Variants in NRG3 observed in about 807,000 individuals in gnomAD.
NRG3 encodes pro-neuregulin-3, membrane-bound isoform.
In NRG3, 31 loss-of-function variants were observed where a neutral mutation model predicts 66.9. The ratio of observed to expected loss-of-function variants is 0.46; its 90% CI spans 0.35 to 0.63. NRG3 has a LOEUF of 0.63. NRG3 is among the 20% of genes least tolerant of loss of function. The pLI, the probability that NRG3 is intolerant of heterozygous loss-of-function variation, is 0.00. For synonymous variants in NRG3, 393 were observed against 359.4 expected, an observed-to-expected ratio of 1.09 and a Z score of -1.06; for missense variants, 910 against 878.9, an observed-to-expected ratio of 1.04 and a Z score of -0.45.
At chr10:82,962,851 CA>C (rs202158405) in intron 6 of NRG3, among the ~76,000 whole-genome samples, 3 of 151,138 alleles carry the variant, frequency 2.0e-5, no homozygotes, top group Non-Finnish European at 4.4e-5. Flanking sequence ...AACAAACAAA[CA>C]AAAAAAACAA....
intron 2 of NRG3, among the ~76,000 whole-genome samples, chr10:82,632,665 G>T (rs1241471329): frequency 6.6e-6 from 1 of 152,100 alleles, no homozygotes; most frequent in African/African-American, 2.4e-5. Flanking sequence ...TTGGTATCTA[G>T]CAATTAGTTT....
chr10:82,334,496 G>A (rs1490169102), intron 1 of NRG3, among the ~76,000 whole-genome samples: 1 of 152,188 alleles, frequency 6.6e-6, no homozygotes, highest in Non-Finnish European at 1.5e-5. Context: ...CAATGTCTGA[G>A]CCAAGCAAGA....
rs2075996873 is a variant in NRG3 at position 82,222,664 on chromosome 10, A to G, written c.824-136075A>G. ...TGTTTGGGTTCTCCTTTTAAGAATA[A>G]CAAGTCATCCCTGCAAGCTCTTTAT... On this transcript the variant is annotated intron_variant, in intron 1 of 8. Transcript: ENST00000372141. 2.6e-5 allele frequency among the ~76,000 whole-genome samples: 4 copies of G among 151,966 alleles called. No individual in the cohort carries two copies. In the South Asian group the frequency reaches 6.4e-4, roughly 24 times the overall value.
chr10:82,617,709 G>A (rs895714594), intron 2 of NRG3, among the ~76,000 whole-genome samples: 2 of 152,130 alleles, frequency 1.3e-5, no homozygotes, highest in African/African-American at 4.8e-5. Flanking sequence ...GCAGTGGGAC[G>A]CAGTCTCTTA....
At chr10:82,588,622 C>G (rs868758901) in intron 2 of NRG3, among the ~76,000 whole-genome samples, 2 of 152,214 alleles carry the variant, frequency 1.3e-5, no homozygotes, top group Middle Eastern at 6.8e-3. Flanking sequence ...CCTGCCTCAG[C>G]CTCCCGAGTA....
intron 1 of NRG3, among the ~76,000 whole-genome samples, chr10:82,096,946 A>C (rs1343979675): frequency 1.3e-5 from 2 of 152,192 alleles, no homozygotes; most frequent in Non-Finnish European, 2.9e-5. Context: ...TTAAAAGAAA[A>C]AATTTAAAAT....
chr10:82,590,636 T>C (rs2046929536), intron 2 of NRG3, among the ~76,000 whole-genome samples: 1 of 152,110 alleles, frequency 6.6e-6, no homozygotes, highest in African/African-American at 2.4e-5. Context: ...GCTGCAAAAC[T>C]CCATTAACAA....
chr10:82,164,705 A>C (rs1188061366), intron 1 of NRG3, among the ~76,000 whole-genome samples: 1 of 152,212 alleles, frequency 6.6e-6, no homozygotes, highest in African/African-American at 2.4e-5. Context: ...AGGTAAGAAA[A>C]GAAAACAGTC....
intron 1 of NRG3, among the ~76,000 whole-genome samples, chr10:81,980,807 G>C (rs1208825684): frequency 6.6e-6 from 1 of 152,194 alleles, no homozygotes; most frequent in East Asian, 1.9e-4. Context: ...GGCTTGGCCT[G>C]CAGATGGCCA....
intron 3 of NRG3, among the ~76,000 whole-genome samples, chr10:82,783,224 T>C (rs1217139684): frequency 1.3e-5 from 2 of 151,716 alleles, no homozygotes; most frequent in Admixed American, 6.6e-5. Context: ...ATAAGAGCTA[T>C]CTATGACAAA....
chr10:82,449,243 C>T (rs544881944), intron 2 of NRG3, among the ~76,000 whole-genome samples: 23 of 152,150 alleles, frequency 1.5e-4, no homozygotes, highest in Non-Finnish European at 3.1e-4. Context: ...GAAGTTTTCT[C>T]AGAAGAGATG....
At chr10:82,237,712 C>G (rs2076822745) in intron 1 of NRG3, among the ~76,000 whole-genome samples, 1 of 152,198 alleles carries the variant, frequency 6.6e-6, no homozygotes, top group Non-Finnish European at 1.5e-5. Flanking sequence ...GAAATTCTGG[C>G]CTGTAAATAG....
chr10:81,914,194 A>G (rs149661040), intron 1 of NRG3, among the ~76,000 whole-genome samples: 52 of 152,294 alleles, frequency 3.4e-4, no homozygotes, highest in African/African-American at 1.2e-3. Flanking sequence ...AACACGTATT[A>G]CCTTTATAAT....
At chr10:82,392,909 G>A (rs1477521253) in intron 2 of NRG3, among the ~76,000 whole-genome samples, 2 of 140,620 alleles carry the variant, frequency 1.4e-5, no homozygotes, top group East Asian at 4.3e-4. Flanking sequence ...TTTTTTGCAG[G>A]CTTCATATGA....
At chr10:82,884,328 TCTAA>T (rs1017270103) in intron 4 of NRG3, among the ~76,000 whole-genome samples, 1 of 152,186 alleles carries the variant, frequency 6.6e-6, no homozygotes, top group African/African-American at 2.4e-5. Context: ...TACATATTGT[TCTAA>T]CTTTCGTCAT....
At chr10:82,597,011 C>T (rs1042907684) in intron 2 of NRG3, among the ~76,000 whole-genome samples, 1 of 152,138 alleles carries the variant, frequency 6.6e-6, no homozygotes, top group Admixed American at 6.5e-5. Flanking sequence ...CTTCAAGACC[C>T]TTTTGGCTTT....
At position 82,987,019 on chromosome 10, in the gene NRG3, C is replaced by T. The variant is rs1245399897; in HGVS notation, c.*1414C>T. On this transcript the variant is annotated 3_prime_UTR_variant, in exon 9 of 9. Transcript: ENST00000372141. ...ATATTTTTACCACTGCTAAGGTGAA[C>T]TGAAACCTCTCCTGAAGATTTGTCT... 6.6e-6 allele frequency: 1 copy of T among 152,198 alleles called. No individual in the cohort carries two copies. Among genetic ancestry groups the T allele is most frequent in the Non-Finnish European group, 1.5e-5 (1 of 68,028 alleles). The allele number at this position is 152,198 out of a possible 1,614,324, so 9.4% of individuals were successfully genotyped here. A position where few individuals can be genotyped will look rare whatever the true frequency, so the allele number is the denominator to read the frequency against.
intron 1 of NRG3, among the ~76,000 whole-genome samples, chr10:81,961,322 A>G (rs1564692241): frequency 6.6e-6 from 1 of 152,172 alleles, no homozygotes; most frequent in Non-Finnish European, 1.5e-5. Context: ...ATATGGTTTC[A>G]TGATGTACAA....
chr10:82,749,866 C>G lies in NRG3; in HGVS notation c.1027+11216C>G, dbSNP rs12573829. ...AGCAAAGAAACAATAACCACAAAACCCAATTAGCCCTCAATCAAAAGGGTC... is the reference window on the plus strand; with the variant it reads ...AGCAAAGAAACAATAACCACAAAACGCAATTAGCCCTCAATCAAAAGGGTC... On this transcript the variant is annotated intron_variant, in intron 3 of 8. Coordinates refer to ENST00000372141, the MANE Select transcript of NRG3 (RefSeq NM_001010848.4). Among the ~76,000 whole-genome samples, 182 of 152,034 alleles carry G rather than the reference C, an allele frequency of 1.2e-3. 2 individuals are homozygous for G. The East Asian group carries it at 0.016, about 13-fold the overall frequency.
Sources: gnomAD v4.1 joint callset for allele counts (sites outside exome capture counted in the v4.1 genomes callset) on GRCh38, gnomAD v4.1.1 for gene constraint, MANE v1.5 for transcripts, NCBI Gene and HGNC (gene_info 2026-07-23, HGNC 2026-07-21) for gene names.